Variants in MEIS2 observed in about 807,000 individuals in gnomAD.
MEIS2 encodes Meis homeobox 2.
MEIS2 carries 9 observed loss-of-function variants against 58.6 expected under a neutral mutation model. The observed-to-expected ratio is 0.15, with a 90% CI of 0.09 to 0.27. The LOEUF (loss-of-function observed/expected upper bound fraction) is 0.27. MEIS2 is among the 10% of genes least tolerant of loss of function. The pLI is 1.00. For synonymous variants in MEIS2, 221 were observed against 228.4 expected (o/e 0.97, Z 0.29); for missense variants, 427 against 635.0 (o/e 0.67, Z 3.52).
intron 8 of MEIS2, among the ~76,000 whole-genome samples, chr15:36,993,355 C>T (rs896806548): frequency 6.6e-6 from 1 of 152,106 alleles, no homozygotes; most frequent in Non-Finnish European, 1.5e-5. Flanking sequence ...GTCAAAGTCT[C>T]CTGGGGCATC....
At chr15:37,031,815 T>TG (rs2061937382) in intron 8 of MEIS2, among the ~76,000 whole-genome samples, 67 of 134,208 alleles carry the variant, frequency 5.0e-4, no homozygotes, top group African/African-American at 1.6e-3. Context: ...TTACATCACT[T>TG]TGTGTGTGTG....
intron 9 of MEIS2, among the ~76,000 whole-genome samples, chr15:36,945,898 C>A (rs1199741049): frequency 1.3e-5 from 2 of 151,926 alleles, no homozygotes; most frequent in Non-Finnish European, 2.9e-5. Context: ...AAAGTAAATC[C>A]TTTATTCCTA....
intron 8 of MEIS2, among the ~76,000 whole-genome samples, chr15:36,990,343 A>T (rs1005755911): frequency 2.6e-5 from 4 of 152,130 alleles, no homozygotes; most frequent in Non-Finnish European, 4.4e-5. Context: ...CACTTTGTTG[A>T]ATCTGCAGAA....
chr15:36,999,060 A>G (rs2060632531), intron 8 of MEIS2, among the ~76,000 whole-genome samples: 1 of 152,188 alleles, frequency 6.6e-6, no homozygotes, highest in South Asian at 2.1e-4. Context: ...CAATCAATTC[A>G]TCATTTTGAA....
intron 7 of MEIS2, among the ~76,000 whole-genome samples, chr15:37,075,819 A>G (rs2141888641): frequency 6.6e-6 from 1 of 152,158 alleles, no homozygotes; most frequent in Non-Finnish European, 1.5e-5. Context: ...AGAAGATAAT[A>G]TCAGAACAGG....
At chr15:37,041,074 T>C (rs1041605885) in intron 7 of MEIS2, among the ~76,000 whole-genome samples, 2 of 152,230 alleles carry the variant, frequency 1.3e-5, no homozygotes, top group Non-Finnish European at 2.9e-5. Flanking sequence ...CAATCTGGCC[T>C]GGGCCTTATT....
intron 7 of MEIS2, among the ~76,000 whole-genome samples, chr15:37,070,219 G>A (rs899881817): frequency 2.6e-5 from 4 of 152,150 alleles, no homozygotes. Flanking sequence ...CACAAGTATA[G>A]TGGAAGTCCA....
chr15:36,976,993 G>A (rs540640747), intron 8 of MEIS2, among the ~76,000 whole-genome samples: 11 of 152,260 alleles, frequency 7.2e-5, no homozygotes, highest in Admixed American at 6.5e-4. Context: ...GGGCATGGTG[G>A]CGCATGCCTC....
At chr15:37,062,987 C>T (rs1336458675) in intron 7 of MEIS2, among the ~76,000 whole-genome samples, 2 of 152,108 alleles carry the variant, frequency 1.3e-5, no homozygotes, top group Admixed American at 6.5e-5. Context: ...CCATATATGG[C>T]ATTACAAGCC....
chr15:36,923,827 C>T (rs112466012), intron 9 of MEIS2, among the ~76,000 whole-genome samples: 99 of 152,290 alleles, frequency 6.5e-4, no homozygotes, highest in African/African-American at 2.3e-3. Flanking sequence ...AATACCGTAG[C>T]TGTTTTAAAC....
chr15:37,036,562 G>T, intron 8 of MEIS2: 1 of 351,576 alleles, frequency 2.8e-6, no homozygotes, highest in East Asian at 5.3e-5. Flanking sequence ...TATATATGCT[G>T]TTTAGGGTCT....
At chr15:37,083,014 C>G (rs1379056134) in intron 7 of MEIS2, among the ~76,000 whole-genome samples, 1 of 152,126 alleles carries the variant, frequency 6.6e-6, no homozygotes, top group Non-Finnish European at 1.5e-5. Context: ...TATACACTTC[C>G]CTGGCCCACA....
chr15:37,050,964 C>T (rs2062893518), intron 7 of MEIS2: 1 of 152,336 alleles, frequency 6.6e-6, no homozygotes, highest in Non-Finnish European at 1.5e-5. Flanking sequence ...AGTATGACCT[C>T]AGTCAAAAGA....
chr15:36,989,668 A>G (rs2060205655), intron 8 of MEIS2, among the ~76,000 whole-genome samples: 1 of 152,216 alleles, frequency 6.6e-6, no homozygotes, highest in Non-Finnish European at 1.5e-5. Flanking sequence ...CTACTATTAC[A>G]ACTCTAGCAG....
chr15:36,956,598 T>G (rs1427220676), intron 8 of MEIS2, among the ~76,000 whole-genome samples: 1 of 152,174 alleles, frequency 6.6e-6, no homozygotes, highest in East Asian at 1.9e-4. Flanking sequence ...CTGGGGTTAC[T>G]AAGTCAGTAA....
intron 8 of MEIS2, among the ~76,000 whole-genome samples, chr15:37,006,958 C>T (rs935653562): frequency 1.3e-5 from 2 of 152,082 alleles, no homozygotes; most frequent in Admixed American, 1.3e-4. Flanking sequence ...CACTGATAGC[C>T]GAGGTTGTAG....
At chr15:36,912,170 G>A (rs557686157) in intron 9 of MEIS2, among the ~76,000 whole-genome samples, 1 of 31,268 alleles carries the variant, frequency 3.2e-5, no homozygotes, top group Non-Finnish European at 1.3e-4. Flanking sequence ...AAGTGAGGAG[G>A]AATGCCAAAA....
intron 8 of MEIS2, among the ~76,000 whole-genome samples, chr15:36,970,368 C>T (rs1026455570): frequency 1.3e-5 from 2 of 150,628 alleles, no homozygotes; most frequent in Middle Eastern, 3.4e-3. Context: ...CGCGCCACTG[C>T]ACTCCAGCCT....
At chr15:37,064,053 C>A (rs891101551) in intron 7 of MEIS2, among the ~76,000 whole-genome samples, 1 of 151,946 alleles carries the variant, frequency 6.6e-6, no homozygotes, top group Non-Finnish European at 1.5e-5. Context: ...TAATGATATG[C>A]GAAGACAGCA....
Sources: gnomAD v4.1 joint callset for allele counts (sites outside exome capture counted in the v4.1 genomes callset) on GRCh38, gnomAD v4.1.1 for gene constraint, MANE v1.5 for transcripts, NCBI Gene and HGNC (gene_info 2026-07-23, HGNC 2026-07-21) for gene names.